Variants in OSBPL3 observed in about 807,000 individuals in gnomAD.
The protein encoded by OSBPL3 is oxysterol binding protein like 3.
In OSBPL3, 65 loss-of-function variants were observed where a neutral mutation model predicts 120.1. The ratio of observed to expected loss-of-function variants is 0.54; its 90% confidence interval spans 0.44 to 0.67. OSBPL3 has a LOEUF of 0.67. Ranked by LOEUF, OSBPL3 falls within the 30% of genes least tolerant of loss-of-function variation. The pLI, the probability that OSBPL3 is intolerant of heterozygous loss-of-function variation, is 0.00. For missense variants in OSBPL3, 1,004 were observed against 1,082.1 expected, an observed-to-expected ratio of 0.93 and a Z score of 1.01; for synonymous variants, 416 against 402.6, an observed-to-expected ratio of 1.03 and a Z score of -0.40.
Position 24,914,004 on chromosome 7 carries a change from G to A in OSBPL3, c.-149-21383C>T, listed in dbSNP as rs552409357. ...TTTGGTAAGAACATGCAGACTCTTG[G>A]GTGTTGGCCAGAGGGTTGTTCTTTT... On this transcript the variant is annotated intron_variant, in intron 1 of 22. Coordinates refer to ENST00000313367, the MANE Select transcript of OSBPL3 (RefSeq NM_015550.4). 4.1e-4 allele frequency among the ~76,000 whole-genome samples: 63 copies of A among 152,264 alleles called. 1 individual carries two copies. Among genetic ancestry groups the A allele is most frequent in the South Asian group, 8.3e-4 (4 of 4,828 alleles).
At chr7:24,917,394 T>TA (rs1809728645) in intron 1 of OSBPL3, among the ~76,000 whole-genome samples, 1 of 92,688 alleles carries the variant, frequency 1.1e-5, no homozygotes, top group African/African-American at 4.2e-5. Context: ...TATATATATA[T>TA]TTGTAACATA....
intron 16 of OSBPL3, among the ~76,000 whole-genome samples, chr7:24,828,334 G>C (rs914239787): frequency 4.6e-5 from 7 of 152,184 alleles, no homozygotes; most frequent in Non-Finnish European, 8.8e-5. Context: ...TTGTAGGCCA[G>C]GCGTGGTGGT....
Position 24,947,000 on chromosome 7 carries a change from C to T in OSBPL3, c.-150+32886G>A, listed in dbSNP as rs1813811569. Among the ~76,000 whole-genome samples, 2 of 152,344 alleles carry T rather than the reference C, an allele frequency of 1.3e-5. No individual in the cohort carries two copies. Among genetic ancestry groups the T allele is most frequent in the South Asian group, 4.1e-4 (2 of 4,822 alleles). On this transcript the variant is annotated intron_variant, in intron 1 of 22. Transcript: ENST00000313367. The surrounding 1 kb of genome is among the most constrained non-coding windows in gnomAD (Gnocchi z 4.3). ...GCATTATTGTTCATTATTCTTGCCGCTTTCATGTCTTTAAATTGTACAACA... is the reference window on the plus strand; with the variant it reads ...GCATTATTGTTCATTATTCTTGCCGTTTTCATGTCTTTAAATTGTACAACA...
intron 1 of OSBPL3, among the ~76,000 whole-genome samples, chr7:24,926,562 T>G: frequency 6.6e-6 from 1 of 152,170 alleles, no homozygotes; most frequent in East Asian, 1.9e-4. Context: ...CAAATCCACT[T>G]GCAGTTCTCT....
chr7:24,841,694 CAAA>C lies in OSBPL3; in HGVS notation c.1401+582_1401+584del, dbSNP rs67988881. ...TGGCCAACAGAATGAGACTATGTCT[CAAA>C]AAAAAAAAAAAAAAAAAAAAAAAAG... On this transcript the variant is annotated intron_variant, in intron 13 of 22. Transcript: ENST00000313367. 5.3e-3 allele frequency among the ~76,000 whole-genome samples: 64 copies of C among 12,136 alleles called. 1 individual carries two copies. The highest frequency in any genetic ancestry group is 0.011 in the African/African-American group (53 of 4,734). 8.0% of individuals were successfully genotyped at this position (12,136 alleles called of 152,430 possible).
chr7:24,816,718 T>C, intron 17 of OSBPL3, 30 bp from the exon 18 acceptor site: 1 of 1,410,814 alleles, frequency 7.1e-7, no homozygotes, highest in Non-Finnish European at 1.0e-6. Flanking sequence ...ATTACATTTT[T>C]AGCAGGAGAG....
At chr7:24,961,703 T>C (rs943582061) in intron 1 of OSBPL3, among the ~76,000 whole-genome samples, 3 of 152,176 alleles carry the variant, frequency 2.0e-5, no homozygotes, top group Non-Finnish European at 4.4e-5. Flanking sequence ...GTTCATAAAC[T>C]TCCCCATTTC....
Position 24,870,811 on chromosome 7 carries a change from A to G in OSBPL3, c.302T>C (p.Val101Ala). 1.2e-6 allele frequency: 2 copies of G among 1,613,780 alleles called. No homozygotes were observed. The highest frequency in any genetic ancestry group is 1.7e-6 in the Non-Finnish European group (2 of 1,179,640). ...CTTTACAGACATCACTGAGAGCCCG[A>G]CATCAATGCAGCCATGCAGCTTCTC... ...EREKLHGCID[V>A]GLSVMSVKKS... The change falls in exon 5 of 23, where the codon GTC becomes GCC. Residue 101 changes from valine (V) to alanine (A), a missense_variant. Physicochemically the swap from Val to Ala is moderately conservative, Grantham distance 64. Coordinates refer to ENST00000313367, the MANE Select transcript of OSBPL3 (RefSeq NM_015550.4).
intron 2 of OSBPL3, among the ~76,000 whole-genome samples, chr7:24,886,598 G>A (rs1314574615): frequency 1.3e-5 from 2 of 152,144 alleles, no homozygotes; most frequent in African/African-American, 2.4e-5. Flanking sequence ...TCAGTCCGAC[G>A]ATTTGTATCT....
At chr7:24,941,369 A>C (rs960175706) in intron 1 of OSBPL3, among the ~76,000 whole-genome samples, 1 of 152,112 alleles carries the variant, frequency 6.6e-6, no homozygotes, top group Non-Finnish European at 1.5e-5. Flanking sequence ...TCTACTCCCA[A>C]CATTTCCCCT....
intron 14 of OSBPL3, among the ~76,000 whole-genome samples, chr7:24,838,509 G>C (rs757104892): frequency 1.3e-5 from 2 of 152,110 alleles, no homozygotes; most frequent in African/African-American, 2.4e-5. Context: ...ACACAAAAAA[G>C]GGCAATGTTA....
chr7:24,909,134 G>A (rs1808396103), intron 1 of OSBPL3, among the ~76,000 whole-genome samples: 1 of 152,176 alleles, frequency 6.6e-6, no homozygotes, highest in African/African-American at 2.4e-5. Flanking sequence ...CAGTGAACGG[G>A]GTGATAACTG....
At position 24,964,535 on chromosome 7, in the gene OSBPL3, C is replaced by T. The variant is rs368318758; in HGVS notation, c.-150+15351G>A. ...CTTTACCACTACTCCTCAAAGCTCT[C>T]GAGGTCATCAAACACAAGGAAAGCC... On this transcript the variant is annotated intron_variant, in intron 1 of 22. Coordinates refer to ENST00000313367, the MANE Select transcript of OSBPL3 (RefSeq NM_015550.4). The surrounding 1 kb of genome is among the most constrained non-coding windows in gnomAD (Gnocchi z 4.2). Among the ~76,000 whole-genome samples, 91 of 152,226 alleles carry T rather than the reference C, an allele frequency of 6.0e-4. No individual in the cohort carries two copies. The highest frequency in any genetic ancestry group is 5.8e-3 in the South Asian group (28 of 4,818).
In OSBPL3 at chr7:24,834,448, C is replaced by A. The variant is rs558039127; in HGVS notation, c.1746+38G>T. On this transcript the variant is annotated intron_variant, in intron 15 of 22. Coordinates refer to ENST00000313367, the MANE Select transcript of OSBPL3 (RefSeq NM_015550.4). The surrounding 1 kb of genome is among the most constrained non-coding windows in gnomAD (Gnocchi z 5.2). ...GTGAATGGCCTCGTGGCTTGGGGAC[C>A]GAGGCTGGACAGTGGCAAGGGAAGG... 1.9e-6 allele frequency: 3 copies of A among 1,576,634 alleles called. No individual in the cohort carries two copies. The highest frequency in any genetic ancestry group is 1.8e-5 in the Admixed American group (1 of 55,438).
At position 24,830,765 on chromosome 7, in the gene OSBPL3, T is replaced by A. The variant is rs933743794; in HGVS notation, c.1884+3A>T. 1.2e-6 allele frequency: 2 copies of A among 1,608,836 alleles called. No homozygotes were observed. The highest frequency in any genetic ancestry group is 1.7e-6 in the Non-Finnish European group (2 of 1,178,698). On this transcript the variant is annotated splice_donor_region_variant and intron_variant, in intron 16 of 22. Coordinates refer to ENST00000313367, the MANE Select transcript of OSBPL3 (RefSeq NM_015550.4). This position sits in a 1 kb window ranked among gnomAD's most constrained non-coding sequence, Gnocchi z 4.4. ...CAACAAGCAAAAAATGGTGTACATC[T>A]ACCTGTTCTGAAAAAAACTGGAAGC...
rs1312159011 is a variant in OSBPL3, at chr7:24,953,649, A to G, written c.-150+26237T>C. Among the ~76,000 whole-genome samples, 1 of 152,210 alleles carries G rather than the reference A, an allele frequency of 6.6e-6. No homozygotes were observed. The highest frequency in any genetic ancestry group is 2.4e-5 in the African/African-American group (1 of 41,440). On this transcript the variant is annotated intron_variant, in intron 1 of 22. Coordinates refer to ENST00000313367, the MANE Select transcript of OSBPL3 (RefSeq NM_015550.4). The surrounding 1 kb of genome is among the most constrained non-coding windows in gnomAD (Gnocchi z 4.3). ...GGGAAGGAAGCTTACTCTAAACAGA[A>G]GCTGCAGATTTGTATCCACTACCTA...
intron 2 of OSBPL3, among the ~76,000 whole-genome samples, chr7:24,875,696 G>A (rs1034900597): frequency 1.3e-5 from 2 of 151,834 alleles, no homozygotes; most frequent in African/African-American, 4.8e-5. Flanking sequence ...CTGGGTGAAA[G>A]AGTGAGACCC....
chr7:24,907,493 AGAC>A (rs1273573387), intron 1 of OSBPL3, among the ~76,000 whole-genome samples: 2 of 152,136 alleles, frequency 1.3e-5, no homozygotes, highest in African/African-American at 4.8e-5. Flanking sequence ...AGTCCTTGCC[AGAC>A]ATCACTCAGT....
chr7:24,829,707 AG>A (rs1052822561), intron 16 of OSBPL3, among the ~76,000 whole-genome samples: 1 of 152,092 alleles, frequency 6.6e-6, no homozygotes, highest in African/African-American at 2.4e-5. Context: ...AAGGTGGGAG[AG>A]GGTGTATTTT....
Sources: allele counts gnomAD v4.1 joint callset (sites outside exome capture counted in the v4.1 genomes callset), GRCh38; gene constraint gnomAD v4.1.1; non-coding constraint Gnocchi (gnomAD v3.1); transcripts MANE v1.5; gene names NCBI Gene and HGNC (gene_info 2026-07-23, HGNC 2026-07-21).